The following AASDH variants were observed in gnomAD, a reference collection of about 807,000 sequenced individuals.
AASDH encodes beta-alanine-activating enzyme.
Under a neutral mutation model 102.3 loss-of-function variants are expected in AASDH, and 81 were observed. That is an observed-to-expected ratio of 0.79 (90% CI 0.66 to 0.95). The LOEUF is 0.95. Ranked by LOEUF, AASDH falls within the 40% of genes least tolerant of loss-of-function variation. The pLI, the probability that AASDH is intolerant of heterozygous loss-of-function variation, is 0.00. For synonymous variants in AASDH, 398 were observed against 454.0 expected, an observed-to-expected ratio of 0.88 and a Z score of 1.57; for missense variants, 1,203 against 1,266.2, an observed-to-expected ratio of 0.95 and a Z score of 0.76.
chr4:56,338,887 T>G (rs1747256835), intron 14 of AASDH, 96 bp from the exon 15 acceptor site: 3 of 1,231,474 alleles, frequency 2.4e-6, no homozygotes, highest in Non-Finnish European at 3.3e-6. Flanking sequence ...ATCTAAGAGA[T>G]ATAGGCTATT....
At chr4:56,365,647 A>T (rs1438494969) in intron 5 of AASDH, among the ~76,000 whole-genome samples, 1 of 152,306 alleles carries the variant, frequency 6.6e-6, no homozygotes, top group Non-Finnish European at 1.5e-5. Flanking sequence ...TGAAGGCAGA[A>T]ATCAAGATGT....
chr4:56,340,492 A>C (rs1747534905), intron 14 of AASDH, among the ~76,000 whole-genome samples: 1 of 152,214 alleles, frequency 6.6e-6, no homozygotes, highest in South Asian at 2.1e-4. Flanking sequence ...AGAATAAACC[A>C]GACCCCTCTC....
intron 5 of AASDH, among the ~76,000 whole-genome samples, chr4:56,368,982 C>G (rs569843887): frequency 6.6e-6 from 1 of 151,954 alleles, no homozygotes; most frequent in African/African-American, 2.4e-5. Context: ...GTGCCTCACA[C>G]AAAGGAAAGG....
intron 7 of AASDH, 118 bp downstream of exon 7, chr4:56,354,587 T>A: frequency 1.4e-6 from 1 of 735,404 alleles, no homozygotes. Flanking sequence ...TGAATGAGAA[T>A]AAAAATTATC....
chr4:56,375,630 T>C (rs1421440042), intron 4 of AASDH, among the ~76,000 whole-genome samples: 1 of 152,194 alleles, frequency 6.6e-6, no homozygotes, highest in Non-Finnish European at 1.5e-5. Flanking sequence ...TTACCACTGC[T>C]GGGCCAGTGC....
intron 11 of AASDH, chr4:56,348,902 A>C (rs1329993941): frequency 9.2e-6 from 2 of 217,534 alleles, no homozygotes; most frequent in Non-Finnish European, 1.8e-5. Flanking sequence ...TGAATTGCTG[A>C]CCCATAGAAA....
At chr4:56,358,669 T>C (rs1319732266) in intron 5 of AASDH, among the ~76,000 whole-genome samples, 2 of 152,102 alleles carry the variant, frequency 1.3e-5, no homozygotes. Flanking sequence ...TTTTGGATGT[T>C]AAACCAAACA....
rs1438201765 is a variant in AASDH, at chr4:56,354,783, G to T, written c.1132C>A (p.Pro378Thr). Residue 378 changes from proline (P) to threonine (T), a missense_variant, in exon 7 of 15, where the codon CCA (proline) becomes ACA (threonine). By Grantham distance (38) the Pro-to-Thr change is conservative. Transcript: ENST00000205214. ...ACTTCAACTACTGTTCCAAGAAGTGGAAATCCCAGTTGTACAGGCAATTCA... is the reference window on the plus strand; with the variant it reads ...ACTTCAACTACTGTTCCAAGAAGTGTAAATCCCAGTTGTACAGGCAATTCA... ...KCELPVQLGF[P>T]LLGTVVEVRD... The T allele has an allele frequency of 6.2e-7, 1 of 1,609,858 alleles. No homozygotes were observed. The highest frequency in any genetic ancestry group is 1.1e-5 in the South Asian group (1 of 90,056).
rs369346716 is a variant in AASDH at position 56,349,542 on chromosome 4, C to A, written c.2209G>T (p.Val737Phe). ...TTCCCCTCTTCAGAAACTTTTGCAA[C>A]ACAGGATGGATCTTTTGACTTCCCA... ...LIGKSKDPSC[V>F]AKVSEEGKPA... Residue 737 changes from valine to phenylalanine, a missense_variant, in exon 11 of 15, where the codon GTT becomes TTT. Physicochemically the swap from Val to Phe is conservative, Grantham distance 50 (BLOSUM62 -1). Coordinates refer to ENST00000205214, the MANE Select transcript of AASDH (RefSeq NM_181806.4). 1 of 1,614,086 alleles carries A rather than the reference C, an allele frequency of 6.2e-7. No homozygotes were observed. The highest frequency in any genetic ancestry group is 8.5e-7 in the Non-Finnish European group (1 of 1,180,042).
rs530421167 is a variant in AASDH, at chr4:56,375,888, C to T, written c.668+2260G>A. Among the ~76,000 whole-genome samples the T allele has an allele frequency of 5.3e-4, 80 of 152,138 alleles. 2 individuals carry two copies. The South Asian group carries it at 0.016, about 31-fold the overall frequency. ...ACTCAGTATTTTAAATAATGCCATT[C>T]CCTCCCATCTAAATGTATCTTCCTC... On this transcript the variant is annotated intron_variant, in intron 4 of 14. Transcript: ENST00000205214.
chr4:56,366,071 A>G lies in AASDH; in HGVS notation c.861+5380T>C, dbSNP rs191030797. 8.5e-5 allele frequency among the ~76,000 whole-genome samples: 13 copies of G among 152,362 alleles called. No homozygotes were observed. In the East Asian group the frequency reaches 2.3e-3, roughly 27 times the overall value. On this transcript the variant is annotated intron_variant, in intron 5 of 14. Transcript: ENST00000205214. ...CGATCCCACAGAAATACAAACTACCATCACAGAATACTATAAACACCTCTA... is the reference window on the plus strand; with the variant it reads ...CGATCCCACAGAAATACAAACTACCGTCACAGAATACTATAAACACCTCTA...
intron 10 of AASDH, among the ~76,000 whole-genome samples, chr4:56,350,651 A>G (rs1748893987): frequency 6.6e-6 from 1 of 152,022 alleles, no homozygotes; most frequent in Admixed American, 6.6e-5. Flanking sequence ...AAAACATCTG[A>G]TTTATTAATT....
intron 13 of AASDH, among the ~76,000 whole-genome samples, 198 bp downstream of exon 13, chr4:56,343,364 A>G (rs1379220256): frequency 1.2e-5 from 1 of 80,732 alleles, no homozygotes; most frequent in Non-Finnish European, 2.7e-5. Flanking sequence ...ACAAAAAAAT[A>G]CATATATATA....
At position 56,384,235 on chromosome 4, in the gene AASDH, A is replaced by T; in HGVS notation, c.65T>A (p.Phe22Tyr). 1.2e-6 allele frequency: 2 copies of T among 1,614,154 alleles called. No individual in the cohort carries two copies. The highest frequency in any genetic ancestry group is 1.3e-5 in the African/African-American group (1 of 75,040). The change falls in exon 2 of 15, where the codon TTT becomes TAT. Residue 22 changes from phenylalanine (F) to tyrosine (Y), a missense_variant. Transcript: ENST00000205214. The part of the protein sequence containing the change: ...SCYMDRVAVC[F>Y]DECNNQLPVY... Reference sequence around the variant, plus strand: ...TGGAAGCTGGTTGTTGCATTCATCAAAACATACAGCTACTCTGTCCATATA... The same window carrying T: ...TGGAAGCTGGTTGTTGCATTCATCATAACATACAGCTACTCTGTCCATATA...
Position 56,382,402 on chromosome 4 carries a change from A to C in AASDH, c.351+75T>G. The C allele has an allele frequency of 2.9e-6, 4 of 1,383,654 alleles. No homozygotes were observed. In the African/African-American group the frequency reaches 4.4e-5, roughly 15 times the overall value. 85.7% of individuals were successfully genotyped at this position (1,383,654 alleles called of 1,614,324 possible). A position where few individuals can be genotyped will look rare whatever the true frequency, so the allele number is the denominator to read the frequency against. On this transcript the variant is annotated intron_variant, in intron 3 of 14. Transcript: ENST00000205214. Reference sequence around the variant, plus strand: ...ACATTTAGCAGACTTAGGAATCCAGATGGGAGAAGGAAGGAATGTTTCAAT... The same window carrying C: ...ACATTTAGCAGACTTAGGAATCCAGCTGGGAGAAGGAAGGAATGTTTCAAT...
chr4:56,347,327 G>A lies in AASDH; in HGVS notation c.2488+1936C>T, dbSNP rs558913325. ...AATTTTCAAAATGCCGTTGTTTAAA[G>A]GGGAAGAAGGGAAGAATCACATTCA... is the stretch of plus-strand genomic sequence containing the variant. On this transcript the variant is annotated intron_variant, in intron 11 of 14. Coordinates refer to ENST00000205214, the MANE Select transcript of AASDH (RefSeq NM_181806.4). Among the ~76,000 whole-genome samples, 30 of 152,290 alleles carry A rather than the reference G, an allele frequency of 2.0e-4. 1 individual carries two copies. The South Asian group carries it at 6.2e-3, about 32-fold the overall frequency.
At chr4:56,349,203 A>T in intron 11 of AASDH, 60 bp downstream of exon 11, 1 of 1,541,112 alleles carries the variant, frequency 6.5e-7, no homozygotes. Context: ...ACTTGGGCCT[A>T]TGAAGATTAT....
chr4:56,376,111 C>T (rs1294849250), intron 4 of AASDH, among the ~76,000 whole-genome samples: 1 of 149,762 alleles, frequency 6.7e-6, no homozygotes, highest in Non-Finnish European at 1.5e-5. Flanking sequence ...GCAGCCTTGA[C>T]CTCCTGGGCT....
intron 14 of AASDH, among the ~76,000 whole-genome samples, chr4:56,339,907 A>G (rs952550922): frequency 6.6e-6 from 1 of 151,174 alleles, no homozygotes; most frequent in Non-Finnish European, 1.5e-5. Flanking sequence ...GGTGGCTCAC[A>G]CCTGTAATCC....
Sources: allele counts gnomAD v4.1 joint callset (sites outside exome capture counted in the v4.1 genomes callset), GRCh38; gene constraint gnomAD v4.1.1; transcripts MANE v1.5; gene names NCBI Gene and HGNC (gene_info 2026-07-23, HGNC 2026-07-21).